ABI2: variants seen among roughly 807,000 people sequenced by gnomAD.
ABI2 encodes the protein abl interactor 2, also known as abelson interactor 2.
In ABI2, 25 loss-of-function variants were observed where a neutral mutation model predicts 59.2. The ratio of observed to expected loss-of-function variants is 0.42; its 90% CI spans 0.31 to 0.59. The LOEUF is 0.59. Among genes scored for constraint, ABI2 ranks in the 20% least tolerant of loss-of-function variants. ABI2 has a pLI of 0.14. For missense variants in ABI2, 545 were observed against 681.8 expected, an observed-to-expected ratio of 0.80 and a Z score of 2.23; for synonymous variants, 213 against 235.5, an observed-to-expected ratio of 0.90 and a Z score of 0.87.
At chr2:203,342,103 G>T in intron 1 of ABI2, 1 of 408,812 alleles carries the variant, frequency 2.4e-6, no homozygotes, top group Non-Finnish European at 4.9e-6. Flanking sequence ...TCATTTCTTA[G>T]TGTTCAGTAA....
chr2:203,422,859 A>G (rs1170723612), intron 11 of ABI2, among the ~76,000 whole-genome samples: 1 of 152,240 alleles, frequency 6.6e-6, no homozygotes, highest in African/African-American at 2.4e-5. Context: ...GATAGTGTCC[A>G]GGTTAACTTT....
intron 9 of ABI2, among the ~76,000 whole-genome samples, chr2:203,405,121 T>G (rs2097371578): frequency 1.3e-5 from 2 of 152,232 alleles, no homozygotes; most frequent in Admixed American, 1.3e-4. Context: ...ATTGTTAGGC[T>G]TTCTGTGTAA....
intron 9 of ABI2, among the ~76,000 whole-genome samples, chr2:203,410,673 T>A (rs996565271): frequency 6.6e-6 from 1 of 152,224 alleles, no homozygotes; most frequent in Non-Finnish European, 1.5e-5. Flanking sequence ...GAGGACGGTT[T>A]TGATACTGTT....
intron 2 of ABI2, among the ~76,000 whole-genome samples, chr2:203,374,144 G>C (rs1337018993): frequency 6.6e-6 from 1 of 152,100 alleles, no homozygotes; most frequent in Non-Finnish European, 1.5e-5. Flanking sequence ...GGGCAACAGA[G>C]TGAGACACTG....
intron 9 of ABI2, among the ~76,000 whole-genome samples, chr2:203,403,948 T>A (rs2097326750): frequency 6.6e-6 from 1 of 151,946 alleles, no homozygotes; most frequent in Non-Finnish European, 1.5e-5. Flanking sequence ...AGACAGGGTT[T>A]CACTATGTTG....
Position 203,378,217 on chromosome 2 carries a change from A to G in ABI2, c.286-1991A>G, listed in dbSNP as rs1578024595. On this transcript the variant is annotated intron_variant, in intron 2 of 11. Transcript: ENST00000261018. The stretch of plus-strand genomic sequence containing the variant: ...AAGCTCTGCCTCCTGGGTTCACGCC[A>G]TTCTCCTGCCTCAGCCCCCCAAGTA... Among the ~76,000 whole-genome samples the G allele has an allele frequency of 2.7e-5, 4 of 150,602 alleles. No homozygotes were observed. The South Asian group carries it at 6.3e-4, about 24-fold the overall frequency.
At chr2:203,426,342 A>C (rs1405879407) in intron 11 of ABI2, among the ~76,000 whole-genome samples, 1 of 152,206 alleles carries the variant, frequency 6.6e-6, no homozygotes, top group Non-Finnish European at 1.5e-5. Flanking sequence ...AGGATGTTAC[A>C]GGGCATCCCA....
At chr2:203,349,887 T>TG (rs1207207100) in intron 1 of ABI2, among the ~76,000 whole-genome samples, 3 of 152,186 alleles carry the variant, frequency 2.0e-5, no homozygotes, top group Non-Finnish European at 4.4e-5. Flanking sequence ...TGGGCATATG[T>TG]GCTCGTTTCT....
At chr2:203,345,983 T>C (rs1372240160) in intron 1 of ABI2, among the ~76,000 whole-genome samples, 1 of 151,690 alleles carries the variant, frequency 6.6e-6, no homozygotes, top group East Asian at 2.0e-4. Flanking sequence ...AGTTTAAGAC[T>C]AGCCAGGACA....
intron 11 of ABI2, among the ~76,000 whole-genome samples, chr2:203,423,289 A>G (rs528728937): frequency 4.6e-5 from 7 of 152,254 alleles, no homozygotes; most frequent in Non-Finnish European, 1.0e-4. Flanking sequence ...CCAAAAAGCT[A>G]GGCCTTGTGT....
Position 203,362,967 on chromosome 2 carries a change from A to G in ABI2, c.118-3910A>G, listed in dbSNP as rs545066061. 6.0e-4 allele frequency among the ~76,000 whole-genome samples: 92 copies of G among 152,176 alleles called. 2 individuals are homozygous for G. In the South Asian group the frequency reaches 0.018, roughly 31 times the overall value. ...TGCCTCAGCCTCCTGAGGAGCTGGGACTACAGGCATACACCACCACGCCCG... is the reference window on the plus strand; with the variant it reads ...TGCCTCAGCCTCCTGAGGAGCTGGGGCTACAGGCATACACCACCACGCCCG... On this transcript the variant is annotated intron_variant, in intron 1 of 11. Coordinates refer to ENST00000261018, the MANE Select transcript of ABI2 (RefSeq NM_001375670.1).
At chr2:203,384,303 T>TTTG (rs2096345161) in intron 4 of ABI2, among the ~76,000 whole-genome samples, 1 of 144,454 alleles carries the variant, frequency 6.9e-6, no homozygotes. Flanking sequence ...TTTTTTTTTT[T>TTTG]TTTTTTTTTT....
At chr2:203,392,296 CCACCACCACCACCACCACCAACAACAA>C (rs1468832679) in intron 5 of ABI2, among the ~76,000 whole-genome samples, 4 of 93,534 alleles carry the variant, frequency 4.3e-5, no homozygotes, top group African/African-American at 4.1e-5. Context: ...ACCACCACCA[CCACCACCACCACCACCACCAACAACAA>C]CAACAACAAC....
Position 203,343,256 on chromosome 2 carries a change from C to T in ABI2, c.117+14625C>T, listed in dbSNP as rs115608175. Among the ~76,000 whole-genome samples, 1,165 of 152,144 alleles carry T rather than the reference C, an allele frequency of 7.7e-3. 9 individuals are homozygous for T. Among genetic ancestry groups the T allele is most frequent in the Non-Finnish European group, 0.012 (823 of 67,990 alleles). On this transcript the variant is annotated intron_variant, in intron 1 of 11. Transcript: ENST00000261018. ...GCACGCATCTGTAGTCCCAGCTACT[C>T]GGGAGGTTGAAGCAGGAGAATCGCA...
At chr2:203,393,473 C>G (rs1487827332) in intron 5 of ABI2, among the ~76,000 whole-genome samples, 1 of 152,190 alleles carries the variant, frequency 6.6e-6, no homozygotes, top group Non-Finnish European at 1.5e-5. Context: ...GCTGGAACTT[C>G]CTTTTAGTAT....
At chr2:203,410,461 T>C (rs369656211) in intron 9 of ABI2, among the ~76,000 whole-genome samples, 14 of 152,176 alleles carry the variant, frequency 9.2e-5, no homozygotes, top group East Asian at 3.8e-4. Context: ...GGCTTATTAG[T>C]GCAATTATAT....
Position 203,427,330 on chromosome 2 carries a change from C to CT in ABI2, c.1608dup (p.Ile537TyrfsTer6). On this transcript the variant is annotated frameshift_variant, in exon 12 of 12. Coordinates refer to ENST00000261018, the MANE Select transcript of ABI2 (RefSeq NM_001375670.1). LOFTEE classifies it high-confidence loss of function. ...CTTTTTCCTGGGAATTACGTTGAGT[C>CT]TATCATGCATTATTCTGAGTAAAGC... 2 of 1,613,978 alleles carry CT rather than the reference C, an allele frequency of 1.2e-6. No individual in the cohort carries two copies. The highest frequency in any genetic ancestry group is 1.7e-6 in the Non-Finnish European group (2 of 1,179,964).
At chr2:203,335,959 C>T (rs1262365954) in intron 1 of ABI2, among the ~76,000 whole-genome samples, 1 of 152,156 alleles carries the variant, frequency 6.6e-6, no homozygotes, top group African/African-American at 2.4e-5. Flanking sequence ...CCTGTCCCTC[C>T]ACTACTAGCC....
chr2:203,364,241 C>CT (rs1237402950), intron 1 of ABI2, among the ~76,000 whole-genome samples: 2 of 151,380 alleles, frequency 1.3e-5, no homozygotes, highest in African/African-American at 2.4e-5. Context: ...TTACAGGCAT[C>CT]TGTCACCACA....
Sources: gnomAD v4.1 joint callset for allele counts (sites outside exome capture counted in the v4.1 genomes callset) on GRCh38, gnomAD v4.1.1 for gene constraint, MANE v1.5 for transcripts, NCBI Gene and HGNC (gene_info 2026-07-23, HGNC 2026-07-21) for gene names.